SVIL: variants seen among roughly 807,000 people sequenced by gnomAD.
SVIL encodes the protein supervillin.
In SVIL, 101 loss-of-function variants were observed where a neutral mutation model predicts 240.4. That is an observed-to-expected ratio of 0.42 (90% CI 0.36 to 0.50). The LOEUF (loss-of-function observed/expected upper bound fraction) is 0.50. Among genes scored for constraint, SVIL ranks in the 20% least tolerant of loss-of-function variants. The pLI is 0.01. For synonymous variants in SVIL, 999 were observed against 1,100.0 expected (o/e 0.91, Z 1.82); for missense variants, 2,512 against 2,818.7 (o/e 0.89, Z 2.46).
chr10:29,697,154 CG>C (rs547861704), intron 1 of SVIL, among the ~76,000 whole-genome samples: 3 of 82,088 alleles, frequency 3.7e-5, no homozygotes, highest in African/African-American at 1.0e-4. Context: ...GGGGGGTCAG[CG>C]CCCCCTCCCG....
In SVIL at chr10:29,458,430, T is replaced by C; in HGVS notation, c.6558+4A>G. 1 of 1,589,460 alleles carries C rather than the reference T, an allele frequency of 6.3e-7. No individual in the cohort carries two copies. Among genetic ancestry groups the C allele is most frequent in the South Asian group, 1.1e-5 (1 of 87,468 alleles). Reference sequence around the variant, plus strand: ...ATCCCCACCCCACCGGAAGAACCGCTTACCTCGAAGTCTTCGTCGGTGAGA... The same window carrying C: ...ATCCCCACCCCACCGGAAGAACCGCCTACCTCGAAGTCTTCGTCGGTGAGA... On this transcript the variant is annotated splice_donor_region_variant and intron_variant, in intron 37 of 37. Transcript: ENST00000355867.
At chr10:29,474,377 T>G (rs1245608201) in intron 29 of SVIL, among the ~76,000 whole-genome samples, 1 of 152,070 alleles carries the variant, frequency 6.6e-6, no homozygotes, top group Non-Finnish European at 1.5e-5. Flanking sequence ...GAGGACTGTT[T>G]GAGGTCAGGA....
chr10:29,677,182 C>G (rs138701219), intron 2 of SVIL, among the ~76,000 whole-genome samples: 185 of 152,192 alleles, frequency 1.2e-3, no homozygotes, highest in African/African-American at 4.3e-3. Context: ...CCCTTTTTGC[C>G]TTCAGCTCAG....
chr10:29,489,592 G>T (rs376510731), intron 22 of SVIL, among the ~76,000 whole-genome samples: 1 of 152,170 alleles, frequency 6.6e-6, no homozygotes, highest in East Asian at 1.9e-4. Context: ...CTGTCGCCCA[G>T]CCTGGAGTGC....
intron 1 of SVIL, among the ~76,000 whole-genome samples, chr10:29,703,755 C>T (rs1777335): frequency 0.58 from 88,351 of 152,028 alleles, 26,002 homozygotes; most frequent in East Asian, 0.73. Context: ...GGAAAGTTAA[C>T]AGTAAAGGCC....
rs945794364 is a variant in SVIL, at chr10:29,604,628, A to G, written c.-201+29792T>C. ...TGCCCAGGCTGGAGTGCAGTGGCACAATCATACGTCACTGCAGCCTCGATC... is the reference window on the plus strand; with the variant it reads ...TGCCCAGGCTGGAGTGCAGTGGCACGATCATACGTCACTGCAGCCTCGATC... On this transcript the variant is annotated intron_variant, in intron 1 of 37. Transcript: ENST00000355867. 1.6e-4 allele frequency among the ~76,000 whole-genome samples: 25 copies of G among 152,160 alleles called. 1 individual carries two copies. In the Middle Eastern group the frequency reaches 0.01, roughly 62 times the overall value.
At chr10:29,580,994 C>T (rs1681938634) in intron 1 of SVIL, among the ~76,000 whole-genome samples, 1 of 152,172 alleles carries the variant, frequency 6.6e-6, no homozygotes, top group African/African-American at 2.4e-5. Flanking sequence ...GATATTATGA[C>T]TAGCAGTTGT....
chr10:29,646,309 T>C (rs1050017529), intron 3 of SVIL, among the ~76,000 whole-genome samples: 2 of 152,200 alleles, frequency 1.3e-5, no homozygotes, highest in Non-Finnish European at 1.5e-5. Flanking sequence ...AATACCTCTT[T>C]GGGAAAGATT....
intron 2 of SVIL, 131 bp downstream of exon 2, chr10:29,569,124 A>G (rs1457831397): frequency 3.3e-6 from 1 of 300,986 alleles, no homozygotes; most frequent in Non-Finnish European, 4.9e-6. Flanking sequence ...ATACATTTTA[A>G]TAAATCAAAT....
At position 29,689,362 on chromosome 10, in the gene SVIL, G is replaced by A. The variant is rs151294470; in HGVS notation, c.-399-2711C>T. On this transcript the variant is annotated intron_variant, in intron 1 of 35. Coordinates refer to the SVIL transcript ENST00000375400. ...TGCCCTGGCGCGATCTCAGCTCTCT[G>A]CAACCTCCGCCTCCCGGGTTCATGT... Among the ~76,000 whole-genome samples the A allele has an allele frequency of 4.3e-3, 651 of 152,126 alleles. 5 individuals carry two copies. The highest frequency in any genetic ancestry group is 0.015 in the African/African-American group (626 of 41,520).
At chr10:29,611,918 T>C (rs2132876269) in intron 1 of SVIL, among the ~76,000 whole-genome samples, 1 of 152,260 alleles carries the variant, frequency 6.6e-6, no homozygotes, top group African/African-American at 2.4e-5. Context: ...GGAGAATCTC[T>C]CATTCCATGG....
chr10:29,665,514 G>T (rs1959222190), intron 2 of SVIL, among the ~76,000 whole-genome samples: 1 of 152,066 alleles, frequency 6.6e-6, no homozygotes, highest in South Asian at 2.1e-4. Flanking sequence ...ACCTACTGCT[G>T]GCCAGGCACA....
At chr10:29,520,917 TA>T (rs11337474) in intron 16 of SVIL, among the ~76,000 whole-genome samples, 45,653 of 133,718 alleles carry the variant, frequency 0.34, 7,082 homozygotes, top group African/African-American at 0.37. Flanking sequence ...ACCATTCCTC[TA>T]AAAAAAAAAA....
intron 2 of SVIL, among the ~76,000 whole-genome samples, chr10:29,568,368 C>A (rs1417020969): frequency 6.6e-6 from 1 of 151,708 alleles, no homozygotes. Context: ...CCCTGTCTAT[C>A]CTAATGTTGT....
At chr10:29,686,738 T>G (rs1050107740) in intron 1 of SVIL, 5 of 152,212 alleles carry the variant, frequency 3.3e-5, no homozygotes, top group African/African-American at 1.2e-4. Context: ...ATGAATCGGT[T>G]TGCATTTAAC....
chr10:29,562,113 G>C (rs1342311390), intron 3 of SVIL, among the ~76,000 whole-genome samples: 1 of 152,050 alleles, frequency 6.6e-6, no homozygotes, highest in Admixed American at 6.5e-5. Flanking sequence ...CATGATTTTT[G>C]CTTTTTCTTT....
intron 1 of SVIL, among the ~76,000 whole-genome samples, chr10:29,616,010 GA>G (rs1957415058): frequency 6.6e-6 from 1 of 152,192 alleles, no homozygotes; most frequent in Non-Finnish European, 1.5e-5. Flanking sequence ...TGCTTATACA[GA>G]TGACCAAATT....
intron 1 of SVIL, among the ~76,000 whole-genome samples, chr10:29,692,577 A>T (rs1589523463): frequency 1.3e-5 from 2 of 151,944 alleles, no homozygotes; most frequent in East Asian, 3.9e-4. Context: ...ATACAATAAC[A>T]TTCTACTTTC....
intron 11 of SVIL, 105 bp from the exon 12 acceptor site, chr10:29,529,949 T>C (rs1231535553): frequency 5.7e-6 from 7 of 1,229,772 alleles, no homozygotes; most frequent in African/African-American, 1.5e-5. Flanking sequence ...GGAGGGAAGA[T>C]TGCTGGAGGC....
Sources: allele counts gnomAD v4.1 joint callset (sites outside exome capture counted in the v4.1 genomes callset), GRCh38; gene constraint gnomAD v4.1.1; transcripts MANE v1.5; gene names NCBI Gene and HGNC (gene_info 2026-07-23, HGNC 2026-07-21).